GALNT18: variants seen among roughly 807,000 people sequenced by gnomAD.
The protein encoded by GALNT18 is GalNAc-transferase 18.
In GALNT18, 44 loss-of-function variants were observed where a neutral mutation model predicts 69.5. That is an observed-to-expected ratio of 0.63 (90% CI 0.50 to 0.81). The LOEUF is 0.81. Among genes scored for constraint, GALNT18 ranks in the 40% least tolerant of loss-of-function variants. The pLI is 0.00. For missense variants in GALNT18, 715 were observed against 810.0 expected (o/e 0.88, Z 1.42); for synonymous variants, 364 against 318.2 (o/e 1.14, Z -1.53).
chr11:11,308,737 G>A (rs1251619922), intron 9 of GALNT18, among the ~76,000 whole-genome samples: 1 of 152,086 alleles, frequency 6.6e-6, no homozygotes, highest in Non-Finnish European at 1.5e-5. Flanking sequence ...ATTGCCCTCT[G>A]CCCATGTTGT....
chr11:11,519,667 G>A (rs1857352851), intron 1 of GALNT18, among the ~76,000 whole-genome samples: 1 of 152,112 alleles, frequency 6.6e-6, no homozygotes, highest in African/African-American at 2.4e-5. Flanking sequence ...GAGAGCTCTC[G>A]TGGTCCCACT....
chr11:11,394,682 A>C (rs967090346), intron 3 of GALNT18, among the ~76,000 whole-genome samples: 1 of 152,226 alleles, frequency 6.6e-6, no homozygotes, highest in Non-Finnish European at 1.5e-5. Context: ...TCATGGCCTC[A>C]CTAGGTCTCT....
intron 3 of GALNT18, among the ~76,000 whole-genome samples, chr11:11,397,014 C>T (rs746207025): frequency 1.3e-5 from 2 of 152,092 alleles, no homozygotes; most frequent in Non-Finnish European, 2.9e-5. Flanking sequence ...TGAACAAATG[C>T]ACCCCCATGG....
At chr11:11,336,930 C>G (rs1850124334) in intron 7 of GALNT18, among the ~76,000 whole-genome samples, 1 of 152,090 alleles carries the variant, frequency 6.6e-6, no homozygotes, top group Non-Finnish European at 1.5e-5. Flanking sequence ...GGGCCTCATT[C>G]TTCTTACATT....
chr11:11,371,807 A>T (rs1384512324), intron 6 of GALNT18, among the ~76,000 whole-genome samples: 1 of 152,230 alleles, frequency 6.6e-6, no homozygotes, highest in Admixed American at 6.5e-5. Flanking sequence ...AGAGGGCTTC[A>T]TCATAGATTT....
chr11:11,593,954 T>C (rs1291281814), intron 1 of GALNT18, among the ~76,000 whole-genome samples: 1 of 152,214 alleles, frequency 6.6e-6, no homozygotes, highest in Non-Finnish European at 1.5e-5. Flanking sequence ...TGTGGATTCA[T>C]AGAGATTTAG....
At chr11:11,277,882 C>T (rs1848983437) in intron 10 of GALNT18, among the ~76,000 whole-genome samples, 2 of 152,114 alleles carry the variant, frequency 1.3e-5, no homozygotes, top group South Asian at 2.1e-4. Flanking sequence ...GCTATGATTT[C>T]CGTTCTTTTG....
intron 1 of GALNT18, among the ~76,000 whole-genome samples, chr11:11,460,868 ATGTTAAAAT>A (rs1310293498): frequency 3.3e-5 from 5 of 152,178 alleles, no homozygotes; most frequent in Non-Finnish European, 7.3e-5. Context: ...CTGAGAAAAA[ATGTTAAAAT>A]TGTTTTTCTT....
At chr11:11,351,990 T>C in intron 6 of GALNT18, 1 of 1,610,676 alleles carries the variant, frequency 6.2e-7, no homozygotes, top group Non-Finnish European at 8.5e-7. Context: ...CCCAAGGGGG[T>C]TGGCAGCAGC....
chr11:11,499,673 A>G (rs1405251303), intron 1 of GALNT18, among the ~76,000 whole-genome samples: 2 of 152,224 alleles, frequency 1.3e-5, no homozygotes, highest in East Asian at 3.9e-4. Context: ...TTGCCCTCCA[A>G]GAAGTACAAC....
intron 1 of GALNT18, among the ~76,000 whole-genome samples, chr11:11,548,081 C>T (rs1251021865): frequency 2.6e-5 from 4 of 152,208 alleles, no homozygotes; most frequent in African/African-American, 9.6e-5. Context: ...CCTCATGATG[C>T]AAGATGCCAG....
intron 3 of GALNT18, among the ~76,000 whole-genome samples, chr11:11,424,807 G>C (rs1317632797): frequency 6.6e-6 from 1 of 152,186 alleles, no homozygotes; most frequent in Non-Finnish European, 1.5e-5. Context: ...TAGTAACGCT[G>C]ACTTTGGAAG....
rs1850036546 is a variant in GALNT18, at chr11:11,332,639, CTA to C, written c.1416+53_1416+54del. 4 of 1,597,942 alleles carry C rather than the reference CTA, an allele frequency of 2.5e-6. No individual in the cohort carries two copies. In the Admixed American group the frequency reaches 6.7e-5, roughly 27 times the overall value. On this transcript the variant is annotated intron_variant, in intron 8 of 10. Transcript: ENST00000227756. This position sits in a 1 kb window ranked among gnomAD's most constrained non-coding sequence, Gnocchi z 4.3. ...TCTTTCCCTCCTCTCCCTTTCTTCA[CTA>C]TGTTTCTTTCTGTCTGTGTCTGAAT... is the stretch of plus-strand genomic sequence containing the variant.
At chr11:11,524,216 T>C (rs1211040247) in intron 1 of GALNT18, among the ~76,000 whole-genome samples, 1 of 152,200 alleles carries the variant, frequency 6.6e-6, no homozygotes, top group Non-Finnish European at 1.5e-5. Context: ...TGGGCTCAGA[T>C]GCTAGGTGGC....
rs1476395636 is a variant in GALNT18, at chr11:11,413,277, G to A, written c.595+19344C>T. Among the ~76,000 whole-genome samples the A allele has an allele frequency of 1.3e-5, 2 of 152,170 alleles. No individual in the cohort carries two copies. Among genetic ancestry groups the A allele is most frequent in the Non-Finnish European group, 2.9e-5 (2 of 68,038 alleles). ...GCTGCTGTGCATGCCTGAGGACCCC[G>A]GTGGGAAGCTCTTCTGCACTGAGTG... On this transcript the variant is annotated intron_variant, in intron 3 of 10. Coordinates refer to ENST00000227756, the MANE Select transcript of GALNT18 (RefSeq NM_198516.3). The surrounding 1 kb of genome is among the most constrained non-coding windows in gnomAD (Gnocchi z 4.7).
In GALNT18 at chr11:11,523,149, G is replaced by T. The variant is rs1490427167; in HGVS notation, c.236-74213C>A. Among the ~76,000 whole-genome samples the T allele has an allele frequency of 6.6e-6, 1 of 152,154 alleles. No individual in the cohort carries two copies. The highest frequency in any genetic ancestry group is 1.5e-5 in the Non-Finnish European group (1 of 68,038). On this transcript the variant is annotated intron_variant, in intron 1 of 10. Coordinates refer to ENST00000227756, the MANE Select transcript of GALNT18 (RefSeq NM_198516.3). The surrounding 1 kb of genome is among the most constrained non-coding windows in gnomAD (Gnocchi z 4.3). ...GTGAAGGTCTACAGTGCTATTTTGAGCCAGGAGGTCTGCCTTCCAGTTTTG... is the reference window on the plus strand; with the variant it reads ...GTGAAGGTCTACAGTGCTATTTTGATCCAGGAGGTCTGCCTTCCAGTTTTG...
chr11:11,300,433 C>T (rs1207558766), intron 9 of GALNT18, among the ~76,000 whole-genome samples: 2 of 152,180 alleles, frequency 1.3e-5, no homozygotes, highest in African/African-American at 4.8e-5. Flanking sequence ...TGGCCAGGGA[C>T]TTACATTGGA....
intron 1 of GALNT18, among the ~76,000 whole-genome samples, chr11:11,521,829 C>T (rs1857406226): frequency 6.6e-6 from 1 of 152,200 alleles, no homozygotes; most frequent in Non-Finnish European, 1.5e-5. Context: ...ACACGCACTT[C>T]ACCATAGAGT....
intron 9 of GALNT18, among the ~76,000 whole-genome samples, chr11:11,319,831 C>G (rs1008736026): frequency 6.6e-6 from 1 of 152,196 alleles, no homozygotes; most frequent in Non-Finnish European, 1.5e-5. Flanking sequence ...CTAAACAATT[C>G]CTACTCTATT....
Sources: allele counts gnomAD v4.1 joint callset (sites outside exome capture counted in the v4.1 genomes callset), GRCh38; gene constraint gnomAD v4.1.1; non-coding constraint Gnocchi (gnomAD v3.1); transcripts MANE v1.5; gene names NCBI Gene and HGNC (gene_info 2026-07-23, HGNC 2026-07-21).